The following TMEM163 variants were observed in gnomAD, a reference collection of about 807,000 sequenced individuals.
TMEM163 encodes the protein transmembrane protein 163.
In TMEM163, 17 loss-of-function variants were observed where a neutral mutation model predicts 29.3. That is an observed-to-expected ratio of 0.58 (90% confidence interval 0.40 to 0.87). TMEM163 has a LOEUF of 0.87. Ranked by LOEUF, TMEM163 falls within the 40% of genes least tolerant of loss-of-function variation. The pLI, the probability that TMEM163 is intolerant of heterozygous loss-of-function variation, is 0.00. For missense variants in TMEM163, 303 were observed against 381.5 expected, an observed-to-expected ratio of 0.79 and a Z score of 1.71; for synonymous variants, 157 against 160.6, an observed-to-expected ratio of 0.98 and a Z score of 0.17.
chr2:134,466,452 T>C (rs865829148), intron 5 of TMEM163: 1 of 501,792 alleles, frequency 2.0e-6, no homozygotes, highest in Middle Eastern at 5.2e-4. Context: ...AAAAAACCAT[T>C]ACGTATTTAT....
intron 2 of TMEM163, among the ~76,000 whole-genome samples, chr2:134,593,450 C>A (rs1182755354): frequency 6.6e-6 from 1 of 152,060 alleles, no homozygotes; most frequent in Non-Finnish European, 1.5e-5. Flanking sequence ...CATTAACATG[C>A]GCCAGGAAGG....
At chr2:134,515,102 C>T (rs968387499) in intron 4 of TMEM163, among the ~76,000 whole-genome samples, 10 of 152,314 alleles carry the variant, frequency 6.6e-5, no homozygotes, top group East Asian at 1.9e-4. Flanking sequence ...GTCTCAGCAA[C>T]GCGATACTTG....
chr2:134,591,946 G>A (rs921098992), intron 2 of TMEM163, among the ~76,000 whole-genome samples: 2 of 151,364 alleles, frequency 1.3e-5, no homozygotes, highest in Non-Finnish European at 2.9e-5. Flanking sequence ...TATGTAAAGA[G>A]ATTTACTCTG....
chr2:134,569,219 T>C (rs1408994572), intron 2 of TMEM163, among the ~76,000 whole-genome samples: 2 of 152,200 alleles, frequency 1.3e-5, no homozygotes, highest in Non-Finnish European at 2.9e-5. Flanking sequence ...TCAGCTTTAC[T>C]TCTACTCAGT....
intron 2 of TMEM163, among the ~76,000 whole-genome samples, chr2:134,583,444 G>C (rs1681741815): frequency 6.6e-6 from 1 of 152,188 alleles, no homozygotes; most frequent in Non-Finnish European, 1.5e-5. Context: ...CTAAGAAGAG[G>C]CTCCTAGAGT....
intron 2 of TMEM163, among the ~76,000 whole-genome samples, chr2:134,578,271 T>A (rs1277817651): frequency 6.6e-6 from 1 of 152,180 alleles, no homozygotes; most frequent in Admixed American, 6.5e-5. Flanking sequence ...CTGCTCACAC[T>A]ATTTCCTGTT....
chr2:134,542,808 A>C (rs1342098992), intron 4 of TMEM163, among the ~76,000 whole-genome samples: 2 of 152,088 alleles, frequency 1.3e-5, no homozygotes, highest in African/African-American at 4.8e-5. Flanking sequence ...CCTCCCTATT[A>C]AACTTACAGG....
intron 2 of TMEM163, among the ~76,000 whole-genome samples, chr2:134,622,094 T>C (rs1682752524): frequency 1.3e-5 from 2 of 152,158 alleles, no homozygotes; most frequent in South Asian, 4.1e-4. Context: ...TCGATTTATA[T>C]GAAATTTCCA....
intron 1 of TMEM163, among the ~76,000 whole-genome samples, chr2:134,717,798 G>A (rs1010722449): frequency 6.6e-6 from 1 of 152,176 alleles, no homozygotes; most frequent in South Asian, 2.1e-4. Flanking sequence ...AAGTAGAAAA[G>A]GTGCAGACGC....
chr2:134,474,585 A>C (rs964426181), intron 5 of TMEM163, among the ~76,000 whole-genome samples: 4 of 152,188 alleles, frequency 2.6e-5, no homozygotes, highest in African/African-American at 9.6e-5. Context: ...TTTACAGACT[A>C]CATAATTTTC....
intron 2 of TMEM163, among the ~76,000 whole-genome samples, chr2:134,628,488 A>C (rs1249768140): frequency 1.3e-5 from 2 of 152,214 alleles, no homozygotes. Context: ...CAACAATGGG[A>C]TATATGATTG....
intron 5 of TMEM163, among the ~76,000 whole-genome samples, chr2:134,479,309 C>G (rs1686990393): frequency 6.6e-6 from 1 of 152,172 alleles, no homozygotes; most frequent in Non-Finnish European, 1.5e-5. Context: ...GGGACAAAAG[C>G]CAATGACCAG....
intron 2 of TMEM163, among the ~76,000 whole-genome samples, chr2:134,598,433 G>A (rs187700902): frequency 7.2e-5 from 11 of 152,300 alleles, no homozygotes; most frequent in Admixed American, 2.0e-4. Context: ...CACAGCCATC[G>A]TGTGAGGTAT....
intron 2 of TMEM163, among the ~76,000 whole-genome samples, chr2:134,712,828 C>T (rs554753090): frequency 3.3e-5 from 5 of 152,272 alleles, no homozygotes; most frequent in African/African-American, 1.2e-4. Flanking sequence ...TGCAATATTG[C>T]ACCCATCTTC....
chr2:134,481,797 C>T (rs1189874715), intron 5 of TMEM163, among the ~76,000 whole-genome samples: 2 of 152,174 alleles, frequency 1.3e-5, no homozygotes, highest in African/African-American at 4.8e-5. Flanking sequence ...ATCAGAGTGA[C>T]ATGAGCTGAG....
chr2:134,521,266 C>T (rs547136854), intron 4 of TMEM163, among the ~76,000 whole-genome samples: 24 of 152,118 alleles, frequency 1.6e-4, no homozygotes, highest in East Asian at 5.8e-4. Flanking sequence ...CAAAGTGCTG[C>T]GATTACAGGC....
At chr2:134,678,781 C>A (rs1354415804) in intron 2 of TMEM163, among the ~76,000 whole-genome samples, 1 of 152,200 alleles carries the variant, frequency 6.6e-6, no homozygotes, top group Non-Finnish European at 1.5e-5. Context: ...TAAATGTCTG[C>A]AGAATAAATT....
At chr2:134,635,222 G>A (rs1683077468) in intron 2 of TMEM163, among the ~76,000 whole-genome samples, 1 of 152,208 alleles carries the variant, frequency 6.6e-6, no homozygotes, top group East Asian at 1.9e-4. Context: ...AGATTTCTGT[G>A]TTGACTGGAG....
chr2:134,696,935 C>A (rs1684596552), intron 2 of TMEM163, among the ~76,000 whole-genome samples: 1 of 152,112 alleles, frequency 6.6e-6, no homozygotes, highest in Non-Finnish European at 1.5e-5. Flanking sequence ...GCCACCATGC[C>A]CAGGTAATTT....
Sources: allele counts gnomAD v4.1 joint callset (sites outside exome capture counted in the v4.1 genomes callset), GRCh38; gene constraint gnomAD v4.1.1; transcripts MANE v1.5; gene names NCBI Gene and HGNC (gene_info 2026-07-23, HGNC 2026-07-21).